Variants in UBE2V1 observed in about 807,000 individuals in gnomAD.
UBE2V1 encodes ubiquitin conjugating enzyme E2 V1.
A neutral mutation model predicts 19.6 loss-of-function variants in UBE2V1; 15 were observed. The observed-to-expected ratio is 0.77, with a 90% CI of 0.51 to 1.18. UBE2V1 has a LOEUF of 1.18. Among genes scored for constraint, UBE2V1 ranks in the 50% most tolerant of loss-of-function variants. UBE2V1 has a pLI of 0.00. For missense variants in UBE2V1, 125 were observed against 184.8 expected, an observed-to-expected ratio of 0.68 and a Z score of 1.88; for synonymous variants, 60 against 60.7, an observed-to-expected ratio of 0.99 and a Z score of 0.05.
At chr20:50,088,064 A>G (rs1731008247) in intron 2 of UBE2V1, among the ~76,000 whole-genome samples, 1 of 151,028 alleles carries the variant, frequency 6.6e-6, no homozygotes, top group Admixed American at 6.6e-5. Context: ...TTCCTGGGCC[A>G]AATGCATACA....
chr20:50,099,710 A>G (rs1429756186), intron 1 of UBE2V1, among the ~76,000 whole-genome samples: 1 of 152,160 alleles, frequency 6.6e-6, no homozygotes, highest in Non-Finnish European at 1.5e-5. Flanking sequence ...CCAGCACTTC[A>G]TCTCAATAAG....
At chr20:50,086,571 TCAA>T (rs753018578) in intron 2 of UBE2V1, among the ~76,000 whole-genome samples, 1 of 152,146 alleles carries the variant, frequency 6.6e-6, no homozygotes, top group Non-Finnish European at 1.5e-5. Flanking sequence ...ATAGTCTCCA[TCAA>T]CAACTATATA....
intron 2 of UBE2V1, among the ~76,000 whole-genome samples, chr20:50,089,978 C>A (rs2079130329): frequency 6.6e-6 from 1 of 152,092 alleles, no homozygotes; most frequent in South Asian, 2.1e-4. Flanking sequence ...CCCAACCAGG[C>A]TTGCCCCTGC....
chr20:50,099,018 G>C, intron 1 of UBE2V1: 1 of 964,266 alleles, frequency 1.0e-6, no homozygotes, highest in African/African-American at 1.8e-5. Flanking sequence ...CAAAAAGCCA[G>C]ACAACACAAC....
intron 2 of UBE2V1, among the ~76,000 whole-genome samples, chr20:50,087,046 C>T (rs781182573): frequency 1.3e-4 from 20 of 152,090 alleles, no homozygotes; most frequent in Non-Finnish European, 7.4e-5. Flanking sequence ...CACTGCACTC[C>T]AGCCTGGGCG....
intron 2 of UBE2V1, chr20:50,095,418 G>A (rs1280513180): frequency 6.6e-6 from 1 of 152,132 alleles, no homozygotes; most frequent in Non-Finnish European, 1.5e-5. Context: ...AAAGAAATGA[G>A]TAAAAACAGA....
intron 2 of UBE2V1, among the ~76,000 whole-genome samples, chr20:50,093,401 T>C (rs966234901): frequency 6.6e-6 from 1 of 152,230 alleles, no homozygotes; most frequent in African/African-American, 2.4e-5. Context: ...ACACAGCAAA[T>C]AGCTCATGTG....
chr20:50,091,831 G>A (rs1280270644), intron 2 of UBE2V1, among the ~76,000 whole-genome samples: 7 of 152,114 alleles, frequency 4.6e-5, no homozygotes, highest in African/African-American at 1.7e-4. Flanking sequence ...ATATATTTAC[G>A]TTTGCATACC....
At chr20:50,108,559 G>T (rs534867829) in intron 1 of UBE2V1, among the ~76,000 whole-genome samples, 1 of 152,258 alleles carries the variant, frequency 6.6e-6, no homozygotes, top group East Asian at 1.9e-4. Flanking sequence ...CTCCTCTCCT[G>T]GCCTGTTTCC....
intron 1 of UBE2V1, chr20:50,098,768 G>T: frequency 3.6e-6 from 1 of 278,560 alleles, no homozygotes; most frequent in Non-Finnish European, 5.4e-6. Context: ...TATAATAATG[G>T]TAAAAGTTTC....
At chr20:50,089,576 C>T (rs1050556242) in intron 2 of UBE2V1, among the ~76,000 whole-genome samples, 2 of 152,190 alleles carry the variant, frequency 1.3e-5, no homozygotes, top group Non-Finnish European at 2.9e-5. Flanking sequence ...CCAGCCCCAG[C>T]ATCCAAAGCA....
intron 1 of UBE2V1, among the ~76,000 whole-genome samples, chr20:50,102,039 T>G (rs963202121): frequency 3.3e-5 from 5 of 152,152 alleles, no homozygotes; most frequent in African/African-American, 1.2e-4. Flanking sequence ...ATAAGGCATA[T>G]CCAAGTCTCC....
At chr20:50,105,554 T>C (rs969167383) in intron 1 of UBE2V1, among the ~76,000 whole-genome samples, 1 of 152,222 alleles carries the variant, frequency 6.6e-6, no homozygotes, top group Non-Finnish European at 1.5e-5. Flanking sequence ...ATCAATTGAA[T>C]CAACATAAAA....
chr20:50,095,861 G>A (rs1418093450), intron 2 of UBE2V1: 1 of 152,172 alleles, frequency 6.6e-6, no homozygotes, highest in African/African-American at 2.4e-5. Flanking sequence ...AAACAAAAGG[G>A]AGACACCACA....
chr20:50,091,057 T>A (rs1353615993), intron 2 of UBE2V1, among the ~76,000 whole-genome samples: 1 of 152,096 alleles, frequency 6.6e-6, no homozygotes, highest in Non-Finnish European at 1.5e-5. Flanking sequence ...GAAAAAAAAT[T>A]TTTTTTGAGA....
At chr20:50,112,615 C>T (rs1018104860) in intron 1 of UBE2V1, among the ~76,000 whole-genome samples, 4 of 152,202 alleles carry the variant, frequency 2.6e-5, no homozygotes, top group African/African-American at 9.7e-5. Context: ...CCTCTCAAGT[C>T]ACCCCCTCAG....
At position 50,089,330 on chromosome 20, in the gene UBE2V1, G is replaced by A. The variant is rs761951118; in HGVS notation, c.172-5076C>T. ...AGAACCTCCAAGGAGGGGGCTTGGC[G>A]GGATGTGATGAGGCTGGTTTTGTGA... is the stretch of plus-strand genomic sequence containing the variant. On this transcript the variant is annotated intron_variant, in intron 2 of 3. Transcript: ENST00000371674. Among the ~76,000 whole-genome samples, 7 of 152,122 alleles carry A rather than the reference G, an allele frequency of 4.6e-5. No homozygotes were observed. The South Asian group carries it at 8.3e-4, about 18-fold the overall frequency.
chr20:50,111,553 A>G (rs1265611397), intron 1 of UBE2V1: 1 of 1,000,218 alleles, frequency 1.0e-6, no homozygotes, highest in Non-Finnish European at 1.2e-6. Context: ...TTGACTCAGC[A>G]CTGTTCCAGC....
intron 1 of UBE2V1, among the ~76,000 whole-genome samples, chr20:50,103,671 GC>G (rs2080155892): frequency 6.6e-6 from 1 of 152,102 alleles, no homozygotes; most frequent in South Asian, 2.1e-4. Context: ...CTCCCAAGGT[GC>G]TGGGATTACA....
Sources: gnomAD v4.1 joint callset for allele counts (sites outside exome capture counted in the v4.1 genomes callset) on GRCh38, gnomAD v4.1.1 for gene constraint, MANE v1.5 for transcripts, NCBI Gene and HGNC (gene_info 2026-07-23, HGNC 2026-07-21) for gene names.